LRRC38: variants seen among roughly 807,000 people sequenced by gnomAD.
The protein encoded by LRRC38 is leucine-rich repeat-containing protein 38.
In LRRC38, 5 loss-of-function variants were observed where a neutral mutation model predicts 16.4. That is an observed-to-expected ratio of 0.31 (90% CI 0.16 to 0.64). The LOEUF (loss-of-function observed/expected upper bound fraction) is 0.64. LRRC38 is among the 30% of genes least tolerant of loss of function. LRRC38 has a pLI of 0.80. For synonymous variants in LRRC38, 191 were observed against 190.2 expected (o/e 1.00, Z -0.04); for missense variants, 341 against 401.8 (o/e 0.85, Z 1.29).
intron 1 of LRRC38, among the ~76,000 whole-genome samples, chr1:13,499,718 G>A (rs1171540044): frequency 3.3e-5 from 5 of 152,196 alleles, no homozygotes; most frequent in Admixed American, 6.5e-5. Context: ...AGCCTGAAAA[G>A]ATAAGGGGAG....
chr1:13,512,924 C>CACCT, intron 1 of LRRC38, 39 bp downstream of exon 1: 1 of 1,215,338 alleles, frequency 8.2e-7, no homozygotes. Context: ...TCTCCCTGCC[C>CACCT]CCCTCCCTCC....
chr1:13,486,588 CTTTT>C (rs34927682), intron 1 of LRRC38, among the ~76,000 whole-genome samples: 6 of 127,644 alleles, frequency 4.7e-5, no homozygotes, highest in African/African-American at 1.6e-4. Context: ...CTTGGTGTAC[CTTTT>C]TTTTTTTTTT....
At chr1:13,505,249 C>T (rs1190851211) in intron 1 of LRRC38, among the ~76,000 whole-genome samples, 2 of 152,224 alleles carry the variant, frequency 1.3e-5, no homozygotes, top group African/African-American at 4.8e-5. Context: ...CAGCACCACT[C>T]CCGCAGCTGG....
At chr1:13,482,904 C>T (rs1467188668) in intron 1 of LRRC38, among the ~76,000 whole-genome samples, 1 of 152,168 alleles carries the variant, frequency 6.6e-6, no homozygotes, top group East Asian at 1.9e-4. Context: ...ATCAGAAGGC[C>T]ACTCTAAGTA....
At chr1:13,490,576 G>A (rs1301776048) in intron 1 of LRRC38, among the ~76,000 whole-genome samples, 2 of 151,404 alleles carry the variant, frequency 1.3e-5, no homozygotes, top group African/African-American at 4.9e-5. Flanking sequence ...ACCTCCCCAT[G>A]TCCACCTCCA....
chr1:13,506,683 T>C (rs553612167), intron 1 of LRRC38, among the ~76,000 whole-genome samples: 1 of 152,324 alleles, frequency 6.6e-6, no homozygotes, highest in Non-Finnish European at 1.5e-5. Flanking sequence ...GGTCCTGAAC[T>C]CCTGACTTCA....
rs1007193105 is a variant in LRRC38, at chr1:13,487,970, A to G, written c.632-11871T>C. On this transcript the variant is annotated intron_variant, in intron 1 of 1. Coordinates refer to ENST00000376085, the MANE Select transcript of LRRC38 (RefSeq NM_001010847.2). The surrounding 1 kb of genome is among the most constrained non-coding windows in gnomAD (Gnocchi z 4.4). Reference sequence around the variant, plus strand: ...TACTGAGACAATAAAAATAATCAAAAACAAGGGAGAATTAAAAAAAAAGTT... The same window carrying G: ...TACTGAGACAATAAAAATAATCAAAGACAAGGGAGAATTAAAAAAAAAGTT... Among the ~76,000 whole-genome samples the G allele has an allele frequency of 5.3e-5, 8 of 151,996 alleles. No individual in the cohort carries two copies. Among genetic ancestry groups the G allele is most frequent in the South Asian group, 2.1e-4 (1 of 4,810 alleles).
intron 1 of LRRC38, among the ~76,000 whole-genome samples, chr1:13,503,040 G>A (rs1185016691): frequency 1.3e-5 from 2 of 152,150 alleles, no homozygotes; most frequent in East Asian, 1.9e-4. Context: ...CTGGGGTGGT[G>A]GGACATTTGC....
intron 1 of LRRC38, among the ~76,000 whole-genome samples, chr1:13,481,788 C>CCTCTCTCCCTCTCTCT (rs1557495325): frequency 2.9e-5 from 1 of 34,466 alleles, no homozygotes; most frequent in Non-Finnish European, 5.1e-5. Context: ...TCCCTCTCTC[C>CCTCTCTCCCTCTCTCT]CTCTCTCTCT....
chr1:13,509,969 G>A (rs1639256826), intron 1 of LRRC38, among the ~76,000 whole-genome samples: 1 of 152,086 alleles, frequency 6.6e-6, no homozygotes. Flanking sequence ...GTAGATCTGG[G>A]GTCCTGTGAA....
chr1:13,486,520 C>T (rs1461679312), intron 1 of LRRC38, among the ~76,000 whole-genome samples: 2 of 152,044 alleles, frequency 1.3e-5, no homozygotes, highest in Admixed American at 1.3e-4. Flanking sequence ...CTTCATCTCT[C>T]CTGAGGCAAC....
chr1:13,493,315 G>A (rs534493065), intron 1 of LRRC38, among the ~76,000 whole-genome samples: 3 of 151,986 alleles, frequency 2.0e-5, no homozygotes, highest in South Asian at 2.1e-4. Flanking sequence ...GTACGGGGAA[G>A]TGACCTCGGG....
At chr1:13,492,273 G>A (rs1255347001) in intron 1 of LRRC38, among the ~76,000 whole-genome samples, 1 of 152,192 alleles carries the variant, frequency 6.6e-6, no homozygotes, top group Non-Finnish European at 1.5e-5. Context: ...CATCCGCGTT[G>A]TAATGCATGT....
intron 1 of LRRC38, among the ~76,000 whole-genome samples, chr1:13,491,519 T>C (rs565671448): frequency 1.4e-4 from 22 of 152,154 alleles, no homozygotes; most frequent in African/African-American, 3.9e-4. Context: ...TTTGTAGAGA[T>C]AGGGTTTAGC....
At chr1:13,489,844 T>C (rs1638986618) in intron 1 of LRRC38, among the ~76,000 whole-genome samples, 1 of 152,084 alleles carries the variant, frequency 6.6e-6, no homozygotes, top group African/African-American at 2.4e-5. Flanking sequence ...ACACTTCGTC[T>C]GATTGAGTAA....
chr1:13,513,587 G>A lies in LRRC38; in HGVS notation c.7C>T (p.Pro3Ser). The A allele has an allele frequency of 8.6e-7, 1 of 1,166,040 alleles. No individual in the cohort carries two copies. The allele number at this position is 1,166,040 out of a possible 1,614,324, so 72.2% of individuals were successfully genotyped here. Residue 3 changes from proline to serine, a missense_variant, in exon 1 of 2, where the codon CCC becomes TCC. Transcript: ENST00000376085. MR[P>S]RAPACAAAAL... ...GCGGCGGCGCAGGCTGGGGCTCGGG[G>A]GCGCATGGCCGGGGGGCCCGCGCCG... is the stretch of plus-strand genomic sequence containing the variant.
intron 1 of LRRC38, among the ~76,000 whole-genome samples, chr1:13,505,938 G>GTCTGGGCTGTGGGAGGGAGCTCC (rs1553136849): frequency 6.6e-6 from 1 of 152,166 alleles, no homozygotes; most frequent in Admixed American, 6.5e-5. Flanking sequence ...GGAGGGGCCC[G>GTCTGGGCTGTGGGAGGGAGCTCC]TCTGGGCTGT....
chr1:13,511,291 G>A (rs995600299), intron 1 of LRRC38, among the ~76,000 whole-genome samples: 1 of 152,178 alleles, frequency 6.6e-6, no homozygotes, highest in Non-Finnish European at 1.5e-5. Flanking sequence ...TCACTCAAGG[G>A]AAAGGTGAAG....
rs1252693827 is a variant in LRRC38, at chr1:13,513,153, G to A, written c.441C>T (p.Ala147=). The part of the protein sequence containing the change: ...NNNLVGVHED[A]FETLESLQVL... ...CCTGCAGCGACTCCAGGGTCTCGAA[G>A]GCGTCCTCGTGCACGCCCACCAGGT... Residue 147 remains alanine (A), a synonymous_variant, in exon 1 of 2, where the codon GCC becomes GCT. Coordinates refer to ENST00000376085, the MANE Select transcript of LRRC38 (RefSeq NM_001010847.2). 1 of 1,550,390 alleles carries A rather than the reference G, an allele frequency of 6.4e-7. No homozygotes were observed. Among genetic ancestry groups the A allele is most frequent in the Non-Finnish European group, 8.7e-7 (1 of 1,146,952 alleles).
Sources: gnomAD v4.1 joint callset for allele counts (sites outside exome capture counted in the v4.1 genomes callset) on GRCh38, gnomAD v4.1.1 for gene constraint, Gnocchi (gnomAD v3.1) non-coding constraint, MANE v1.5 for transcripts, NCBI Gene and HGNC (gene_info 2026-07-23, HGNC 2026-07-21) for gene names.